Variants in PGBD5 observed in about 807,000 individuals in gnomAD.
The protein encoded by PGBD5 is piggyBac transposable element derived 5, also known as piggyBac transposable element-derived protein 5.
Under a neutral mutation model 47.9 loss-of-function variants are expected in PGBD5, and 14 were observed. The observed-to-expected ratio is 0.29, with a 90% CI of 0.19 to 0.46. PGBD5 has a LOEUF of 0.46. PGBD5 is among the 20% of genes least tolerant of loss of function. The probability of loss-of-function intolerance (pLI) is 1.00; values close to 1 mark genes in which losing one functional copy is unlikely to be tolerated. For missense variants in PGBD5, 635 were observed against 716.0 expected (o/e 0.89, Z 1.29); for synonymous variants, 316 against 306.3 (o/e 1.03, Z -0.33).
rs1315973398 is a variant in PGBD5 at position 230,426,165 on chromosome 1, G to C, written c.-237C>G. On this transcript the variant is annotated 5_prime_UTR_variant, in exon 1 of 7. Transcript: ENST00000391860. ...CCGCGGCGGGAGGCGAGCCGCGCGCGGGGCTGGCAGGGGCGACCCAGAGCG... is the reference window on the plus strand; with the variant it reads ...CCGCGGCGGGAGGCGAGCCGCGCGCCGGGCTGGCAGGGGCGACCCAGAGCG... 6.8e-6 allele frequency: 1 copy of C among 147,272 alleles called. No homozygotes were observed. Among genetic ancestry groups the C allele is most frequent in the Non-Finnish European group, 1.5e-5 (1 of 66,050 alleles). 9.1% of individuals were successfully genotyped at this position (147,272 alleles called of 1,614,324 possible).
intron 1 of PGBD5, among the ~76,000 whole-genome samples, chr1:230,373,298 G>A (rs1252629612): frequency 6.6e-6 from 1 of 152,200 alleles, no homozygotes; most frequent in East Asian, 1.9e-4. Flanking sequence ...CACAATAGGT[G>A]TCAATCCCTG....
At chr1:230,353,966 C>T (rs942120449) in intron 2 of PGBD5, among the ~76,000 whole-genome samples, 4 of 152,158 alleles carry the variant, frequency 2.6e-5, no homozygotes, top group East Asian at 1.9e-4. Flanking sequence ...CCGAGCAGGG[C>T]GGGCCGATGC....
chr1:230,403,703 C>A (rs1657202491), intron 1 of PGBD5, among the ~76,000 whole-genome samples: 1 of 152,210 alleles, frequency 6.6e-6, no homozygotes, highest in African/African-American at 2.4e-5. Flanking sequence ...GCGGGGTCCG[C>A]TCTGGACACA....
rs1319909259 is a variant in PGBD5 at position 230,377,667 on chromosome 1, C to T, written c.332-20346G>A. 4.1e-6 allele frequency: 6 copies of T among 1,452,546 alleles called. No individual in the cohort carries two copies. In the South Asian group the frequency reaches 4.4e-5, roughly 11 times the overall value. 90.0% of individuals were successfully genotyped at this position (1,452,546 alleles called of 1,614,324 possible). A position where few individuals can be genotyped will look rare whatever the true frequency, so the allele number is the denominator to read the frequency against. Reference sequence around the variant, plus strand: ...GCCCTGGTCAAGGTACATAATCCCACACAGCCTTCATTTCCCCATCTGTAA... The same window carrying T: ...GCCCTGGTCAAGGTACATAATCCCATACAGCCTTCATTTCCCCATCTGTAA... On this transcript the variant is annotated intron_variant, in intron 1 of 6. Coordinates refer to ENST00000391860, the MANE Select transcript of PGBD5 (RefSeq NM_001258311.2).
At chr1:230,423,163 G>A (rs578082499) in intron 1 of PGBD5, among the ~76,000 whole-genome samples, 2 of 152,280 alleles carry the variant, frequency 1.3e-5, no homozygotes, top group South Asian at 4.1e-4. Context: ...TACAGTTGCA[G>A]CAAGGCAGGA....
intron 1 of PGBD5, among the ~76,000 whole-genome samples, chr1:230,373,775 C>G (rs1483702774): frequency 6.6e-6 from 1 of 152,124 alleles, no homozygotes; most frequent in Admixed American, 6.5e-5. Context: ...CTCGCTACAG[C>G]CTTAAACTCC....
chr1:230,376,575 C>T (rs1427130327), intron 1 of PGBD5, among the ~76,000 whole-genome samples: 2 of 151,964 alleles, frequency 1.3e-5, no homozygotes, highest in African/African-American at 4.8e-5. Flanking sequence ...TGGTTCCTGC[C>T]CTCTGCAGAG....
At chr1:230,345,213 G>T (rs193130814) in intron 3 of PGBD5, among the ~76,000 whole-genome samples, 2 of 152,070 alleles carry the variant, frequency 1.3e-5, no homozygotes, top group South Asian at 4.2e-4. Context: ...CTGGAGCCTC[G>T]ATCTTTTTGA....
intron 1 of PGBD5, among the ~76,000 whole-genome samples, chr1:230,379,768 T>C (rs1668064669): frequency 6.6e-6 from 1 of 152,248 alleles, no homozygotes. Context: ...AGCCAACAGT[T>C]ACCAACCATG....
rs1667244369 is a variant in PGBD5 at position 230,332,920 on chromosome 1, C to A, written c.1197G>T (p.Gly399=). 2 of 1,614,232 alleles carry A rather than the reference C, an allele frequency of 1.2e-6. No homozygotes were observed. Among genetic ancestry groups the A allele is most frequent in the African/African-American group, 2.7e-5 (2 of 75,062 alleles). ...TGTACCAGCAGATCAAGGACATGTT[C>A]CCCTTCATCTTGATTTGGTACTGGC... The part of the protein sequence containing the change: ...ARGQYQIKMK[G]NMSLICWYNK... The change falls in exon 5 of 7, where the codon GGG becomes GGT. Residue 399 remains glycine, a synonymous_variant. Transcript: ENST00000391860.
chr1:230,368,101 G>A (rs1424150011), intron 1 of PGBD5: 1 of 1,367,966 alleles, frequency 7.3e-7, no homozygotes, highest in Middle Eastern at 2.1e-4. Flanking sequence ...TTCCACGGAT[G>A]TGCTCAAGTT....
At chr1:230,393,536 G>A (rs966806897) in intron 1 of PGBD5, among the ~76,000 whole-genome samples, 85 of 152,142 alleles carry the variant, frequency 5.6e-4, no homozygotes, top group Non-Finnish European at 1.9e-4. Context: ...CTCAGAAGGA[G>A]CTCAGAAAAG....
At chr1:230,412,887 T>G (rs1657443012) in intron 1 of PGBD5, among the ~76,000 whole-genome samples, 1 of 152,154 alleles carries the variant, frequency 6.6e-6, no homozygotes, top group Admixed American at 6.5e-5. Flanking sequence ...AAAGATTGCA[T>G]GCAATATCAC....
In PGBD5 at chr1:230,323,425, T is replaced by C. The variant is rs1667067828; in HGVS notation, c.1575A>G (p.Ter525TrpextTer77). 6.2e-7 allele frequency: 1 copy of C among 1,612,428 alleles called. No individual in the cohort carries two copies. The highest frequency in any genetic ancestry group is 1.3e-5 in the African/African-American group (1 of 74,850). The stretch of plus-strand genomic sequence containing the variant: ...TTGACCGAGTCCTGCGCCCCCAGCA[T>C]CAGTGGGTCGGAGAGGCATCCTCCA... ...LGLEDASPTH* is the reference protein window; with the variant it reads ...LGLEDASPTHW The change falls in exon 7 of 7, where the codon TGA becomes TGG. Residue 525 changes from the stop codon to tryptophan (W), a stop_lost. Coordinates refer to ENST00000391860, the MANE Select transcript of PGBD5 (RefSeq NM_001258311.2). This position sits in a 1 kb window ranked among gnomAD's most constrained non-coding sequence, Gnocchi z 4.1.
chr1:230,375,231 C>T (rs901669), intron 1 of PGBD5, among the ~76,000 whole-genome samples: 42,283 of 152,200 alleles, frequency 0.28, 7,119 homozygotes, highest in Non-Finnish European at 0.37. Flanking sequence ...AATGTTAACA[C>T]GGTAGTCAAA....
intron 3 of PGBD5, among the ~76,000 whole-genome samples, chr1:230,342,963 G>C (rs1354267249): frequency 2.6e-5 from 4 of 152,226 alleles, no homozygotes; most frequent in African/African-American, 9.6e-5. Context: ...CCATCATGGA[G>C]AGCAGATATG....
rs1571832212 is a variant in PGBD5 at position 230,344,551 on chromosome 1, C to G, written c.894+6407G>C. Among the ~76,000 whole-genome samples, 4 of 152,190 alleles carry G rather than the reference C, an allele frequency of 2.6e-5. No individual in the cohort carries two copies. In the East Asian group the frequency reaches 7.7e-4, roughly 29 times the overall value. The stretch of plus-strand genomic sequence containing the variant: ...GTCATTCTTTCCTGAACGCCAGAAG[C>G]AGCTGCCAGAATCCACAGATGAGAC... On this transcript the variant is annotated intron_variant, in intron 3 of 6. Coordinates refer to ENST00000391860, the MANE Select transcript of PGBD5 (RefSeq NM_001258311.2).
chr1:230,403,891 T>C (rs776145241), intron 1 of PGBD5, among the ~76,000 whole-genome samples: 1 of 152,176 alleles, frequency 6.6e-6, no homozygotes, highest in Non-Finnish European at 1.5e-5. Context: ...TACTGGAGGA[T>C]ACATACAACT....
At chr1:230,382,488 T>C (rs895809031) in intron 1 of PGBD5, among the ~76,000 whole-genome samples, 7 of 152,150 alleles carry the variant, frequency 4.6e-5, no homozygotes, top group Admixed American at 3.9e-4. Context: ...CTCTGGCTTT[T>C]GTATGCTGGC....
Sources: gnomAD v4.1 joint callset for allele counts (sites outside exome capture counted in the v4.1 genomes callset) on GRCh38, gnomAD v4.1.1 for gene constraint, Gnocchi (gnomAD v3.1) non-coding constraint, MANE v1.5 for transcripts, NCBI Gene and HGNC (gene_info 2026-07-23, HGNC 2026-07-21) for gene names.